The following DNAH3 variants were observed in gnomAD, a reference collection of about 807,000 sequenced individuals.
The protein encoded by DNAH3 is axonemal beta dynein heavy chain 3.
DNAH3 carries 332 observed loss-of-function variants against 432.5 expected under a neutral mutation model. The observed-to-expected ratio is 0.77, with a 90% CI of 0.70 to 0.84. The LOEUF is 0.84. DNAH3 is among the 40% of genes least tolerant of loss of function. The pLI is 0.00. For missense variants in DNAH3, 4,861 were observed against 5,114.0 expected (o/e 0.95, Z 1.51); for synonymous variants, 1,956 against 1,900.2 (o/e 1.03, Z -0.76).
chr16:21,146,036 T>C, exon 2 of DNAH3: 1 of 1,613,898 alleles, frequency 6.2e-7, no homozygotes, highest in South Asian at 1.1e-5. Flanking sequence ...AGGAGGCAGC[T>C]CTGGCTGCCC....
At chr16:21,001,407 A>T (rs996710692) in intron 42 of DNAH3, among the ~76,000 whole-genome samples, 1 of 152,170 alleles carries the variant, frequency 6.6e-6, no homozygotes, top group African/African-American at 2.4e-5. Flanking sequence ...ACTGTGTTGT[A>T]CAACTACAGA....
At chr16:20,996,334 A>C (rs1567608319) in intron 44 of DNAH3, among the ~76,000 whole-genome samples, 3 of 152,240 alleles carry the variant, frequency 2.0e-5, no homozygotes, top group Admixed American at 6.5e-5. Context: ...ATCTGGAACT[A>C]TTGGTAGCTA....
intron 1 of DNAH3, 138 bp from the exon 3 acceptor site, chr16:21,146,226 T>G: frequency 6.7e-6 from 4 of 595,718 alleles, no homozygotes; most frequent in East Asian, 5.7e-5. Flanking sequence ...ACTCCTCTCA[T>G]TCCCATCCAT....
chr16:21,007,323 C>T (rs2152697663), intron 41 of DNAH3, among the ~76,000 whole-genome samples: 1 of 151,872 alleles, frequency 6.6e-6, no homozygotes, highest in African/African-American at 2.4e-5. Flanking sequence ...ATCCTCCTGC[C>T]TCAGCCTCCC....
At chr16:21,060,715 C>T (rs531671381) in intron 25 of DNAH3, among the ~76,000 whole-genome samples, 138 of 150,962 alleles carry the variant, frequency 9.1e-4, no homozygotes, top group African/African-American at 3.0e-3. Context: ...TTAGTAGAGA[C>T]GGGGTTTCAC....
chr16:21,115,305 T>C, intron 12 of DNAH3, among the ~76,000 whole-genome samples: 1 of 150,718 alleles, frequency 6.6e-6, no homozygotes, highest in Non-Finnish European at 1.5e-5. Flanking sequence ...GACGAGTTAA[T>C]GGGTGCAGCA....
intron 47 of DNAH3, 142 bp downstream of exon 47, chr16:20,987,163 G>T: frequency 2.0e-6 from 2 of 976,122 alleles, no homozygotes; most frequent in Non-Finnish European, 3.0e-6. Context: ...GTCAAAAAGA[G>T]CAGTTGACTC....
At chr16:20,964,024 A>G (rs1408159650) in exon 53 of DNAH3, 2 of 1,614,192 alleles carry the variant, frequency 1.2e-6, no homozygotes, top group African/African-American at 1.3e-5. Flanking sequence ...AGTCTCGTCA[A>G]TCTGCGTTTC....
chr16:21,096,482 T>C (rs1322452414), intron 18 of DNAH3, among the ~76,000 whole-genome samples: 1 of 151,934 alleles, frequency 6.6e-6, no homozygotes, highest in Non-Finnish European at 1.5e-5. Flanking sequence ...ACAGGTGTTA[T>C]CATTCATGGC....
chr16:21,147,353 G>T (rs1597491572), intron 1 of DNAH3, among the ~76,000 whole-genome samples: 1 of 151,694 alleles, frequency 6.6e-6, no homozygotes, highest in East Asian at 2.0e-4. Context: ...CCAAGAAGCT[G>T]GATGGGTGCC....
chr16:20,980,103 C>T (rs1331155398), intron 49 of DNAH3, among the ~76,000 whole-genome samples: 1 of 149,592 alleles, frequency 6.7e-6, no homozygotes, highest in East Asian at 2.0e-4. Flanking sequence ...GATGAATCAC[C>T]AGGGCTTAAG....
At chr16:20,997,299 T>G (rs2086803680) in exon 44 of DNAH3, 1 of 1,613,872 alleles carries the variant, frequency 6.2e-7, no homozygotes. Context: ...TGTCATTCCT[T>G]CCTCCCCCGG....
chr16:21,127,282 G>C (rs904021011), intron 8 of DNAH3, among the ~76,000 whole-genome samples: 11 of 152,000 alleles, frequency 7.2e-5, no homozygotes, highest in Admixed American at 3.3e-4. Flanking sequence ...GCCAGGCGCG[G>C]TGGCTCATGC....
chr16:21,143,894 T>C (rs566530520), intron 3 of DNAH3, among the ~76,000 whole-genome samples: 2 of 152,020 alleles, frequency 1.3e-5, no homozygotes, highest in Non-Finnish European at 2.9e-5. Flanking sequence ...CAAAAAACAC[T>C]CATTAGACAT....
chr16:21,027,559 G>A (rs1172361240), intron 37 of DNAH3, among the ~76,000 whole-genome samples: 2 of 152,240 alleles, frequency 1.3e-5, no homozygotes, highest in Non-Finnish European at 2.9e-5. Context: ...TAACAAAGAG[G>A]CTGAGCATGG....
chr16:21,143,425 A>G (rs972167651), intron 3 of DNAH3, among the ~76,000 whole-genome samples: 4 of 152,190 alleles, frequency 2.6e-5, no homozygotes, highest in Admixed American at 2.6e-4. Flanking sequence ...ACAGATGTCT[A>G]TGAATCAGGA....
chr16:21,149,852 GTGA>G (rs933759793), intron 1 of DNAH3, among the ~76,000 whole-genome samples: 3 of 152,174 alleles, frequency 2.0e-5, no homozygotes, highest in African/African-American at 7.2e-5. Context: ...ACAAAAAAAT[GTGA>G]TGAATACACT....
At chr16:21,120,617 A>T in intron 11 of DNAH3, 1 of 739,600 alleles carries the variant, frequency 1.4e-6, no homozygotes, top group Non-Finnish European at 2.4e-6. Context: ...AACTCAGTCT[A>T]CGTTGTTTTT....
chr16:21,151,261 C>T (rs79166511), intron 1 of DNAH3, among the ~76,000 whole-genome samples: 5,667 of 151,452 alleles, frequency 0.037, 176 homozygotes, highest in East Asian at 0.18. Flanking sequence ...AACGGGATAA[C>T]GTGTACAGAG....
Sources: allele counts gnomAD v4.1 joint callset (sites outside exome capture counted in the v4.1 genomes callset), GRCh38; gene constraint gnomAD v4.1.1; transcripts MANE v1.5; gene names NCBI Gene and HGNC (gene_info 2026-07-23, HGNC 2026-07-21).